The following KIRREL3 variants were observed in gnomAD, a reference collection of about 807,000 sequenced individuals.
The protein encoded by KIRREL3 is kirre like nephrin family adhesion molecule 3.
A neutral mutation model predicts 89.7 loss-of-function variants in KIRREL3; 36 were observed. The observed-to-expected ratio is 0.40, with a 90% confidence interval of 0.31 to 0.53. KIRREL3 has a LOEUF of 0.53. KIRREL3 is among the 20% of genes least tolerant of loss of function. The pLI is 0.49. For synonymous variants in KIRREL3, 445 were observed against 441.4 expected (o/e 1.01, Z -0.10); for missense variants, 864 against 1,056.6 (o/e 0.82, Z 2.53).
At chr11:126,426,253 G>A (rs940085436) in intron 15 of KIRREL3, among the ~76,000 whole-genome samples, 4 of 152,188 alleles carry the variant, frequency 2.6e-5, no homozygotes, top group African/African-American at 9.7e-5. Flanking sequence ...GAGTCACAAG[G>A]AATAACCATC....
chr11:126,582,655 C>T (rs762540087), intron 1 of KIRREL3, among the ~76,000 whole-genome samples: 8 of 152,110 alleles, frequency 5.3e-5, no homozygotes, highest in Non-Finnish European at 8.8e-5. Flanking sequence ...GGGGCTTCTG[C>T]AGGTCTAAAG....
Position 126,831,783 on chromosome 11 carries a change from C to T in KIRREL3, c.55+168672G>A, listed in dbSNP as rs958992266. On this transcript the variant is annotated intron_variant, in intron 1 of 16. Coordinates refer to ENST00000525144, the MANE Select transcript of KIRREL3 (RefSeq NM_032531.4). The stretch of plus-strand genomic sequence containing the variant: ...ATGCCTTTCTATTAAAGCATGAACC[C>T]GAAGTTGTAAATTTAGAGAAACAAT... Among the ~76,000 whole-genome samples, 32 of 152,148 alleles carry T rather than the reference C, an allele frequency of 2.1e-4. 1 individual carries two copies. Among genetic ancestry groups the T allele is most frequent in the Admixed American group, 7.9e-4 (12 of 15,286 alleles).
In KIRREL3 at chr11:126,521,323, G is replaced by C; in HGVS notation, c.425C>G (p.Thr142Arg). The C allele has an allele frequency of 6.5e-7, 1 of 1,546,616 alleles. No individual in the cohort carries two copies. The highest frequency in any genetic ancestry group is 8.7e-7 in the Non-Finnish European group (1 of 1,143,740). ...AAIRSRPARL[T>R]VLVPPDDPVI... is the part of the protein sequence containing the mutation. ...GTGCAGATGGTTCTTACCCAGGACT[G>C]TGAGGCGTGCGGGGCGGGAGCGGAT... Residue 142 changes from threonine (T) to arginine (R), a missense_variant, in exon 4 of 17, where the codon ACA becomes AGA. Thr to Arg is a moderately conservative substitution (Grantham distance 71). Coordinates refer to ENST00000525144, the MANE Select transcript of KIRREL3 (RefSeq NM_032531.4). The surrounding 1 kb of genome is among the most constrained non-coding windows in gnomAD (Gnocchi z 4.1).
intron 1 of KIRREL3, among the ~76,000 whole-genome samples, chr11:126,975,906 T>TCCCTCCCTCCCTC (rs1565470884): frequency 1.8e-5 from 1 of 56,336 alleles, no homozygotes; most frequent in Admixed American, 2.2e-4. Context: ...CTCCCTCCCT[T>TCCCTCCCTCCCTC]CCTCCCTCCC....
At position 126,879,093 on chromosome 11, in the gene KIRREL3, G is replaced by T. The variant is rs995763069; in HGVS notation, c.55+121362C>A. On this transcript the variant is annotated intron_variant, in intron 1 of 16. Transcript: ENST00000525144. The surrounding 1 kb of genome is among the most constrained non-coding windows in gnomAD (Gnocchi z 5.4). ...TGCAGGCCAACCGGCAATTACAATG[G>T]CATCTTTCTTCCCATCACTGACAGC... 6.6e-6 allele frequency among the ~76,000 whole-genome samples: 1 copy of T among 152,180 alleles called. No individual in the cohort carries two copies. The highest frequency in any genetic ancestry group is 2.4e-5 in the African/African-American group (1 of 41,446).
At chr11:126,765,364 C>T (rs1190091494) in intron 1 of KIRREL3, among the ~76,000 whole-genome samples, 2 of 152,200 alleles carry the variant, frequency 1.3e-5, no homozygotes, top group African/African-American at 4.8e-5. Flanking sequence ...CAAAGCTAAG[C>T]CTCTGAGGTG....
chr11:126,528,523 G>A lies in KIRREL3; in HGVS notation c.134-1836C>T, dbSNP rs188525356. On this transcript the variant is annotated intron_variant, in intron 2 of 16. Coordinates refer to ENST00000525144, the MANE Select transcript of KIRREL3 (RefSeq NM_032531.4). The surrounding 1 kb of genome is among the most constrained non-coding windows in gnomAD (Gnocchi z 4.6). ...ACAAGATCTTGGCAGGGTCTCCGAG[G>A]AGTCTCATTAAAAATCAAATTGGCC... Among the ~76,000 whole-genome samples the A allele has an allele frequency of 2.0e-5, 3 of 152,328 alleles. No homozygotes were observed. Among genetic ancestry groups the A allele is most frequent in the African/African-American group, 7.2e-5 (3 of 41,574 alleles).
Position 126,867,217 on chromosome 11 carries a change from G to A in KIRREL3, c.55+133238C>T, listed in dbSNP as rs775676616. 7.2e-5 allele frequency among the ~76,000 whole-genome samples: 11 copies of A among 152,298 alleles called. No individual in the cohort carries two copies. Among genetic ancestry groups the A allele is most frequent in the Non-Finnish European group, 1.0e-4 (7 of 68,024 alleles). On this transcript the variant is annotated intron_variant, in intron 1 of 16. Coordinates refer to ENST00000525144, the MANE Select transcript of KIRREL3 (RefSeq NM_032531.4). This position sits in a 1 kb window ranked among gnomAD's most constrained non-coding sequence, Gnocchi z 4.7. ...TTGAGCAGCGGGGCATCTATGCAGC[G>A]AGCCACACTCCTATCACACAGCCTG...
chr11:126,533,133 C>A (rs528916809), intron 2 of KIRREL3, among the ~76,000 whole-genome samples: 39 of 152,196 alleles, frequency 2.6e-4, no homozygotes, highest in Middle Eastern at 3.4e-3. Context: ...TACAGAATGT[C>A]AAGCATATAA....
Position 126,569,561 on chromosome 11 carries a change from A to C in KIRREL3, c.56-6649T>G, listed in dbSNP as rs1940771441. Reference sequence around the variant, plus strand: ...AACTTCCTAGCCCAAAGATACTATAATCCAGTTGGCTATACAAGACATATA... The same window carrying C: ...AACTTCCTAGCCCAAAGATACTATACTCCAGTTGGCTATACAAGACATATA... On this transcript the variant is annotated intron_variant, in intron 1 of 16. Coordinates refer to ENST00000525144, the MANE Select transcript of KIRREL3 (RefSeq NM_032531.4). This position sits in a 1 kb window ranked among gnomAD's most constrained non-coding sequence, Gnocchi z 6.5. Among the ~76,000 whole-genome samples, 1 of 152,238 alleles carries C rather than the reference A, an allele frequency of 6.6e-6. No homozygotes were observed. The highest frequency in any genetic ancestry group is 2.4e-5 in the African/African-American group (1 of 41,460).
intron 11 of KIRREL3, among the ~76,000 whole-genome samples, chr11:126,438,863 C>T (rs559931868): frequency 1.1e-4 from 17 of 152,138 alleles, no homozygotes; most frequent in East Asian, 3.9e-4. Flanking sequence ...GGTGTCTCAG[C>T]CCCCGCATGC....
chr11:126,848,382 A>G (rs1944221301), intron 1 of KIRREL3, among the ~76,000 whole-genome samples: 2 of 152,244 alleles, frequency 1.3e-5, no homozygotes, highest in South Asian at 4.1e-4. Flanking sequence ...ATTATGTTTC[A>G]AGAACTATGG....
intron 1 of KIRREL3, among the ~76,000 whole-genome samples, chr11:126,702,646 C>T (rs968667798): frequency 1.3e-5 from 2 of 152,230 alleles, no homozygotes; most frequent in Admixed American, 6.5e-5. Flanking sequence ...ATGGAAAACA[C>T]TTGCACTCTA....
rs1322056245 is a variant in KIRREL3, at chr11:126,891,501, C to T, written c.55+108954G>A. Among the ~76,000 whole-genome samples the T allele has an allele frequency of 6.6e-6, 1 of 152,208 alleles. No individual in the cohort carries two copies. The highest frequency in any genetic ancestry group is 1.5e-5 in the Non-Finnish European group (1 of 68,032). On this transcript the variant is annotated intron_variant, in intron 1 of 16. Coordinates refer to ENST00000525144, the MANE Select transcript of KIRREL3 (RefSeq NM_032531.4). The surrounding 1 kb of genome is among the most constrained non-coding windows in gnomAD (Gnocchi z 5.1). Reference sequence around the variant, plus strand: ...TGCAAAGTGGCTGTCTTTGAGAGCGCTCCACAGTCCCTGCCATGGATGGAT... The same window carrying T: ...TGCAAAGTGGCTGTCTTTGAGAGCGTTCCACAGTCCCTGCCATGGATGGAT...
chr11:126,756,451 A>G (rs1045972067), intron 1 of KIRREL3, among the ~76,000 whole-genome samples: 2 of 152,272 alleles, frequency 1.3e-5, no homozygotes, highest in African/African-American at 2.4e-5. Context: ...GCTTCAGTAC[A>G]AGGCCCATGC....
At position 126,640,614 on chromosome 11, in the gene KIRREL3, T is replaced by C. The variant is rs1038280622; in HGVS notation, c.56-77702A>G. 6.7e-6 allele frequency among the ~76,000 whole-genome samples: 1 copy of C among 148,176 alleles called. No homozygotes were observed. Among genetic ancestry groups the C allele is most frequent in the Non-Finnish European group, 1.5e-5 (1 of 66,452 alleles). ...TTAATACACCTCATAGCATTTAGTC[T>C]GAACCTTACAGCATGGTCTTAAAGA... is the stretch of plus-strand genomic sequence containing the variant. On this transcript the variant is annotated intron_variant, in intron 1 of 16. Coordinates refer to ENST00000525144, the MANE Select transcript of KIRREL3 (RefSeq NM_032531.4). The surrounding 1 kb of genome is among the most constrained non-coding windows in gnomAD (Gnocchi z 4.9).
chr11:126,433,855 A>G (rs918407777), intron 13 of KIRREL3, among the ~76,000 whole-genome samples: 1 of 152,218 alleles, frequency 6.6e-6, no homozygotes, highest in Non-Finnish European at 1.5e-5. Flanking sequence ...ATGTCCATGG[A>G]AGGCTCTTAA....
chr11:126,899,731 G>A (rs1206116475), intron 1 of KIRREL3, among the ~76,000 whole-genome samples: 1 of 152,268 alleles, frequency 6.6e-6, no homozygotes, highest in Non-Finnish European at 1.5e-5. Context: ...TCCAGGCTGA[G>A]TAGGAAGGTT....
In KIRREL3 at chr11:126,807,700, G is replaced by A. The variant is rs781336163; in HGVS notation, c.55+192755C>T. On this transcript the variant is annotated intron_variant, in intron 1 of 16. Coordinates refer to ENST00000525144, the MANE Select transcript of KIRREL3 (RefSeq NM_032531.4). This position sits in a 1 kb window ranked among gnomAD's most constrained non-coding sequence, Gnocchi z 4.3. ...CCATTCACCTGGATTTTGAAAAATC[G>A]TCCTTTAACCCATTTCTAGGAGGCT... Among the ~76,000 whole-genome samples, 3 of 152,036 alleles carry A rather than the reference G, an allele frequency of 2.0e-5. No homozygotes were observed. The highest frequency in any genetic ancestry group is 4.8e-5 in the African/African-American group (2 of 41,394).
Sources: allele counts gnomAD v4.1 joint callset (sites outside exome capture counted in the v4.1 genomes callset), GRCh38; gene constraint gnomAD v4.1.1; non-coding constraint Gnocchi (gnomAD v3.1); transcripts MANE v1.5; gene names NCBI Gene and HGNC (gene_info 2026-07-23, HGNC 2026-07-21).